SLC45A4: variants seen among roughly 807,000 people sequenced by gnomAD.
SLC45A4 encodes polyamine-transporter SLC45A4.
SLC45A4 carries 32 observed loss-of-function variants against 63.7 expected under a neutral mutation model. The ratio of observed to expected loss-of-function variants is 0.50; its 90% CI spans 0.38 to 0.67. The LOEUF (loss-of-function observed/expected upper bound fraction) is 0.67. Ranked by LOEUF, SLC45A4 falls within the 30% of genes least tolerant of loss-of-function variation. The probability of loss-of-function intolerance (pLI) is 0.00; values close to 1 mark genes in which losing one functional copy is unlikely to be tolerated. For synonymous variants in SLC45A4, 535 were observed against 510.0 expected, an observed-to-expected ratio of 1.05 and a Z score of -0.66; for missense variants, 1,027 against 1,157.7, an observed-to-expected ratio of 0.89 and a Z score of 1.64.
At chr8:141,266,243 G>C (rs746179914) in intron 1 of SLC45A4, among the ~76,000 whole-genome samples, 18 of 152,184 alleles carry the variant, frequency 1.2e-4, no homozygotes, top group Non-Finnish European at 2.5e-4. Context: ...CCCTACACAC[G>C]AAGCGCATGT....
intron 2 of SLC45A4, among the ~76,000 whole-genome samples, chr8:141,235,199 T>C (rs1827561693): frequency 6.6e-6 from 1 of 152,198 alleles, no homozygotes; most frequent in African/African-American, 2.4e-5. Context: ...AACCAGGTGA[T>C]ATGAAACCAG....
intron 1 of SLC45A4, among the ~76,000 whole-genome samples, chr8:141,306,550 CTA>C (rs571838687): frequency 3.3e-5 from 5 of 152,366 alleles, no homozygotes; most frequent in African/African-American, 1.2e-4. Flanking sequence ...AGTGAGGACA[CTA>C]TACATTTCTT....
chr8:141,275,802 T>C (rs1829706868), intron 1 of SLC45A4, among the ~76,000 whole-genome samples: 1 of 152,168 alleles, frequency 6.6e-6, no homozygotes. Flanking sequence ...TTAAGCAGGT[T>C]AAAACTACAT....
intron 2 of SLC45A4, among the ~76,000 whole-genome samples, chr8:141,251,962 T>C (rs1828488175): frequency 6.8e-6 from 1 of 147,164 alleles, no homozygotes. Context: ...GTCAGATCCG[T>C]GCACATAACC....
At chr8:141,303,691 G>T (rs1830816332) in intron 1 of SLC45A4, among the ~76,000 whole-genome samples, 2 of 152,216 alleles carry the variant, frequency 1.3e-5, no homozygotes, top group Admixed American at 6.5e-5. Context: ...CTCAGAGCAA[G>T]TAGCATAACA....
rs1825796453 is a variant in SLC45A4, at chr8:141,211,376, A to G, written c.*196T>C. Reference sequence around the variant, plus strand: ...GCACGCAGGAGCTCGTCTGGAGCTCACGCTCCGCCCCCAGGTGGTGCCCAG... The same window carrying G: ...GCACGCAGGAGCTCGTCTGGAGCTCGCGCTCCGCCCCCAGGTGGTGCCCAG... On this transcript the variant is annotated 3_prime_UTR_variant, in exon 9 of 9. Coordinates refer to ENST00000517878, the MANE Select transcript of SLC45A4 (RefSeq NM_001286646.2). 6.8e-7 allele frequency: 1 copy of G among 1,481,376 alleles called. No individual in the cohort carries two copies. The allele number at this position is 1,481,376 out of a possible 1,614,324, so 91.8% of individuals were successfully genotyped here.
At chr8:141,260,580 G>A (rs915277373) in intron 1 of SLC45A4, among the ~76,000 whole-genome samples, 1 of 152,218 alleles carries the variant, frequency 6.6e-6, no homozygotes, top group African/African-American at 2.4e-5. Context: ...TTTAGGGGAA[G>A]TCAGAAAATA....
At chr8:141,258,902 A>AAC (rs1828931659) in intron 1 of SLC45A4, among the ~76,000 whole-genome samples, 1 of 151,640 alleles carries the variant, frequency 6.6e-6, no homozygotes, top group Admixed American at 6.6e-5. Context: ...TTAAAAAAAA[A>AAC]AAAAACAGAC....
chr8:141,285,641 C>A (rs1174140448), intron 1 of SLC45A4, among the ~76,000 whole-genome samples: 1 of 152,246 alleles, frequency 6.6e-6, no homozygotes, highest in Non-Finnish European at 1.5e-5. Flanking sequence ...AAGAGACGCG[C>A]ACCCCAAGTT....
At chr8:141,281,669 A>C (rs1210494609) in intron 1 of SLC45A4, among the ~76,000 whole-genome samples, 1 of 152,246 alleles carries the variant, frequency 6.6e-6, no homozygotes, top group Admixed American at 6.5e-5. Context: ...AGCCTGAAAG[A>C]GACAAAAAAC....
At chr8:141,253,926 C>A (rs1828643791) in intron 2 of SLC45A4, 63 bp downstream of exon 2, 2 of 1,521,044 alleles carry the variant, frequency 1.3e-6, no homozygotes, top group Non-Finnish European at 1.8e-6. Context: ...AGGATCAGAG[C>A]CACGCCCAGT....
chr8:141,294,665 T>C (rs1830477325), intron 1 of SLC45A4, among the ~76,000 whole-genome samples: 1 of 152,208 alleles, frequency 6.6e-6, no homozygotes. Context: ...GGGGAACCCA[T>C]GCATGCTAAA....
rs1827121752 is a variant in SLC45A4, at chr8:141,228,027, C to G, written c.242-6262G>C. 5.7e-6 allele frequency: 5 copies of G among 872,852 alleles called. No homozygotes were observed. The East Asian group carries it at 1.0e-4, about 18-fold the overall frequency. 54.1% of individuals were successfully genotyped at this position (872,852 alleles called of 1,614,324 possible). On this transcript the variant is annotated intron_variant, in intron 2 of 8. Transcript: ENST00000517878. ...GGAATTGAAACTTGAAACCCAGGACCCAGCGCCTCATTTCTAGAGGGTGAG... is the reference window on the plus strand; with the variant it reads ...GGAATTGAAACTTGAAACCCAGGACGCAGCGCCTCATTTCTAGAGGGTGAG...
chr8:141,297,807 A>C (rs1250497243), intron 1 of SLC45A4, among the ~76,000 whole-genome samples: 5 of 152,252 alleles, frequency 3.3e-5, no homozygotes, highest in Non-Finnish European at 5.9e-5. Flanking sequence ...GTTGAAAAAA[A>C]CTGTTCCAAT....
At chr8:141,255,815 C>T (rs910498814) in intron 1 of SLC45A4, among the ~76,000 whole-genome samples, 6 of 152,172 alleles carry the variant, frequency 3.9e-5, no homozygotes, top group Admixed American at 2.0e-4. Flanking sequence ...ATTCTCTGTC[C>T]GGGGGGAGTT....
At chr8:141,304,204 A>C (rs1185063843) in intron 1 of SLC45A4, among the ~76,000 whole-genome samples, 7 of 152,056 alleles carry the variant, frequency 4.6e-5, no homozygotes, top group African/African-American at 1.7e-4. Context: ...GGGCAGGAGG[A>C]TCACTTGAGC....
At chr8:141,287,061 G>A (rs903664436) in intron 1 of SLC45A4, among the ~76,000 whole-genome samples, 3 of 152,206 alleles carry the variant, frequency 2.0e-5, no homozygotes, top group South Asian at 2.1e-4. Context: ...TCGCCTGACC[G>A]CTCCAGGTCA....
intron 2 of SLC45A4, chr8:141,228,617 C>A (rs1827172416): frequency 1.8e-6 from 2 of 1,094,934 alleles, no homozygotes; most frequent in African/African-American, 3.2e-5. Context: ...GATGTTGCAA[C>A]AAGCAAACAT....
chr8:141,252,970 T>G (rs1232258918), intron 2 of SLC45A4, among the ~76,000 whole-genome samples: 1 of 151,640 alleles, frequency 6.6e-6, no homozygotes, highest in East Asian at 1.9e-4. Context: ...CCTGTGCGTG[T>G]CCGCGAATTT....
Sources: allele counts gnomAD v4.1 joint callset (sites outside exome capture counted in the v4.1 genomes callset), GRCh38; gene constraint gnomAD v4.1.1; transcripts MANE v1.5; gene names NCBI Gene and HGNC (gene_info 2026-07-23, HGNC 2026-07-21).